CIMIP3: variants seen among roughly 807,000 people sequenced by gnomAD.
CIMIP3 encodes ciliary microtubule inner protein 3, also known as GUCA1A neighbor.
the CIMIP3 span, chr6:42,163,268 C>T: frequency 1.8e-6 from 1 of 547,736 alleles, no homozygotes; most frequent in Non-Finnish European, 3.4e-6. Flanking sequence ...CAAACGGAAG[C>T]CCCCGACCCT....
chr6:42,157,634 C>A, the CIMIP3 span, among the ~76,000 whole-genome samples: 2 of 152,026 alleles, frequency 1.3e-5, no homozygotes, highest in African/African-American at 4.8e-5. Flanking sequence ...AAGCAATCCT[C>A]CTGCCTTGGC....
the CIMIP3 span, among the ~76,000 whole-genome samples, chr6:42,156,787 A>G: frequency 6.6e-6 from 1 of 152,368 alleles, no homozygotes; most frequent in Admixed American, 6.5e-5. Flanking sequence ...CACTTGCCCA[A>G]GGTCGCCTGA....
chr6:42,161,737 G>A, the CIMIP3 span, among the ~76,000 whole-genome samples: 1 of 152,224 alleles, frequency 6.6e-6, no homozygotes, highest in African/African-American at 2.4e-5. Context: ...GAATGGGCTG[G>A]CTGGCTGGAA....
the CIMIP3 span, chr6:42,163,057 C>T: frequency 1.3e-5 from 9 of 717,484 alleles, no homozygotes; most frequent in African/African-American, 8.7e-5. Context: ...ATGTGCCGGT[C>T]GTTGTGGACT....
At chr6:42,162,950 G>A in the CIMIP3 span, 1 of 688,214 alleles carries the variant, frequency 1.5e-6, no homozygotes, top group Non-Finnish European at 2.7e-6. Flanking sequence ...ACCCAGTCAT[G>A]GGCCAAAGAC....
chr6:42,157,298 C>A, the CIMIP3 span, among the ~76,000 whole-genome samples: 1 of 152,102 alleles, frequency 6.6e-6, no homozygotes, highest in African/African-American at 2.4e-5. Context: ...ATTGGCTGAT[C>A]TCAGCTCCCC....
At chr6:42,157,555 T>C in the CIMIP3 span, among the ~76,000 whole-genome samples, 88 of 146,862 alleles carry the variant, frequency 6.0e-4, no homozygotes, top group Non-Finnish European at 1.1e-3. Context: ...GGCTCTTTTT[T>C]CTTTTTTTTT....
chr6:42,163,134 AC>A, the CIMIP3 span: 3 of 692,958 alleles, frequency 4.3e-6, no homozygotes, highest in Non-Finnish European at 5.4e-6. Flanking sequence ...AACTCCCTGA[AC>A]CCCTTCTACA....
chr6:42,155,461 A>T, the CIMIP3 span: 1 of 690,078 alleles, frequency 1.4e-6, no homozygotes, highest in Non-Finnish European at 2.7e-6. Context: ...ACCATCAAGA[A>T]AGGCCCTGGT....
chr6:42,162,250 CTAAAAA>C, the CIMIP3 span, among the ~76,000 whole-genome samples: 1 of 151,496 alleles, frequency 6.6e-6, no homozygotes, highest in South Asian at 2.1e-4. Context: ...CCCATCTGTA[CTAAAAA>C]TACAAAAATT....
At chr6:42,157,409 CA>C in the CIMIP3 span, among the ~76,000 whole-genome samples, 1 of 151,996 alleles carries the variant, frequency 6.6e-6, no homozygotes, top group Non-Finnish European at 1.5e-5. Context: ...CCATCACACC[CA>C]GCTAATGTTT....
At chr6:42,155,872 A>G in the CIMIP3 span, among the ~76,000 whole-genome samples, 1 of 152,222 alleles carries the variant, frequency 6.6e-6, no homozygotes, top group Non-Finnish European at 1.5e-5. Context: ...GGACTAGCTC[A>G]TTAAGTCCTC....
chr6:42,159,290 C>T, the CIMIP3 span, among the ~76,000 whole-genome samples: 1 of 152,170 alleles, frequency 6.6e-6, no homozygotes, highest in Non-Finnish European at 1.5e-5. Flanking sequence ...AAAGATTGTC[C>T]AGCCCAAAGA....
At chr6:42,157,309 G>A in the CIMIP3 span, among the ~76,000 whole-genome samples, 5 of 152,002 alleles carry the variant, frequency 3.3e-5, no homozygotes, top group African/African-American at 7.3e-5. Context: ...TCAGCTCCCC[G>A]TAACCTCCTC....
the CIMIP3 span, among the ~76,000 whole-genome samples, chr6:42,162,283 G>C: frequency 6.7e-6 from 1 of 149,854 alleles, no homozygotes; most frequent in African/African-American, 2.4e-5. Context: ...GCGTGGTGGC[G>C]GGTGCCTGTA....
the CIMIP3 span, among the ~76,000 whole-genome samples, chr6:42,162,000 C>T: frequency 1.1e-4 from 17 of 150,518 alleles, no homozygotes; most frequent in East Asian, 4.0e-4. Flanking sequence ...CTGGAAGTAC[C>T]GGATGTGAGC....
the CIMIP3 span, among the ~76,000 whole-genome samples, chr6:42,162,346 C>A: frequency 2.7e-5 from 4 of 150,094 alleles, no homozygotes; most frequent in Non-Finnish European, 4.4e-5. Flanking sequence ...ACCCAGGAGG[C>A]GGAGGTTGCA....
chr6:42,155,603 C>T, the CIMIP3 span: 3 of 717,494 alleles, frequency 4.2e-6, no homozygotes, highest in East Asian at 2.7e-5. Context: ...GGTAGGTCCT[C>T]TTACAAAAGG....
the CIMIP3 span, among the ~76,000 whole-genome samples, chr6:42,158,206 C>A: frequency 6.6e-6 from 1 of 152,256 alleles, no homozygotes; most frequent in East Asian, 1.9e-4. Context: ...GGAAAGTATG[C>A]AGTCAGGCCC....
Sources: gnomAD v4.1 joint callset for allele counts (sites outside exome capture counted in the v4.1 genomes callset) on GRCh38, gnomAD v4.1.1 for gene constraint, MANE v1.5 for transcripts, NCBI Gene and HGNC (gene_info 2026-07-23, HGNC 2026-07-21) for gene names.